Variants in TMEM151A observed in about 807,000 individuals in gnomAD.
TMEM151A encodes the protein transmembrane protein 151.
In TMEM151A, 21 loss-of-function variants were observed where a neutral mutation model predicts 33.7. That is an observed-to-expected ratio of 0.62 (90% CI 0.44 to 0.90). The LOEUF (loss-of-function observed/expected upper bound fraction) is 0.90. Ranked by LOEUF, TMEM151A falls within the 40% of genes least tolerant of loss-of-function variation. The pLI is 0.00. For missense variants in TMEM151A, 704 were observed against 697.7 expected, an observed-to-expected ratio of 1.01 and a Z score of -0.10; for synonymous variants, 374 against 330.3, an observed-to-expected ratio of 1.13 and a Z score of -1.43.
At position 66,295,068 on chromosome 11, in the gene TMEM151A, C is replaced by T. The variant is rs772573280; in HGVS notation, c.822C>T (p.Ala274=). The change falls in exon 2 of 2, where the codon GCC becomes GCT. Residue 274 remains alanine, a synonymous_variant. Transcript: ENST00000327259. ...VDFRESLMVF[A]DPRSPPWYAR... is the part of the protein sequence containing the mutation. ...TCCGCGAGTCGCTCATGGTCTTCGC[C>T]GACCCCCGCAGCCCGCCCTGGTACG... 1.0e-5 allele frequency: 16 copies of T among 1,598,248 alleles called. No individual in the cohort carries two copies. The Admixed American group carries it at 2.3e-4, about 23-fold the overall frequency.
rs1482014394 is a variant in TMEM151A at position 66,295,940 on chromosome 11, A to G, written c.*287A>G. Reference sequence around the variant, plus strand: ...AAAGGGCAGGAGAAGAAGCTTCCAGAAAGGCTGGGATGGAGGAGGAGTCCT... The same window carrying G: ...AAAGGGCAGGAGAAGAAGCTTCCAGGAAGGCTGGGATGGAGGAGGAGTCCT... On this transcript the variant is annotated 3_prime_UTR_variant, in exon 2 of 2. Coordinates refer to ENST00000327259, the MANE Select transcript of TMEM151A (RefSeq NM_153266.4). 3.1e-6 allele frequency: 1 copy of G among 325,632 alleles called. No individual in the cohort carries two copies. The highest frequency in any genetic ancestry group is 5.6e-6 in the Non-Finnish European group (1 of 179,234). 20.2% of individuals were successfully genotyped at this position (325,632 alleles called of 1,614,324 possible). A position where few individuals can be genotyped will look rare whatever the true frequency, so the allele number is the denominator to read the frequency against.
rs1226792276 is a variant in TMEM151A at position 66,295,424 on chromosome 11, G to T, written c.1178G>T (p.Arg393Leu). 6.7e-7 allele frequency: 1 copy of T among 1,483,824 alleles called. No individual in the cohort carries two copies. The highest frequency in any genetic ancestry group is 2.4e-5 in the Admixed American group (1 of 42,186). The allele number at this position is 1,483,824 out of a possible 1,614,324, so 91.9% of individuals were successfully genotyped here. A position where few individuals can be genotyped will look rare whatever the true frequency, so the allele number is the denominator to read the frequency against. The change falls in exon 2 of 2, where the codon CGG (arginine) becomes CTG (leucine). Residue 393 changes from arginine to leucine, a missense_variant. Physicochemically the swap from Arg to Leu is moderately radical, Grantham distance 102. Coordinates refer to ENST00000327259, the MANE Select transcript of TMEM151A (RefSeq NM_153266.4). ...AGCAGCAACTCGCTGCCCCCCGCCCGGCCCAGCGGGCCCCGCCTGCCCTTC... is the reference window on the plus strand; with the variant it reads ...AGCAGCAACTCGCTGCCCCCCGCCCTGCCCAGCGGGCCCCGCCTGCCCTTC... ...SVSSNSLPPA[R>L]PSGPRLPFSR...
chr11:66,295,691 A>G lies in TMEM151A; in HGVS notation c.*38A>G. On this transcript the variant is annotated 3_prime_UTR_variant, in exon 2 of 2. Coordinates refer to ENST00000327259, the MANE Select transcript of TMEM151A (RefSeq NM_153266.4). ...CCCCCAGAGTGGCCCCCTCCCCACC[A>G]TTCCACCATGGGCTTAGATGCCCGA... The G allele has an allele frequency of 1.4e-6, 2 of 1,420,328 alleles. No homozygotes were observed. The highest frequency in any genetic ancestry group is 9.2e-7 in the Non-Finnish European group (1 of 1,085,422). 88.0% of individuals were successfully genotyped at this position (1,420,328 alleles called of 1,614,324 possible). A position where few individuals can be genotyped will look rare whatever the true frequency, so the allele number is the denominator to read the frequency against.
Position 66,294,363 on chromosome 11 carries a change from C to A in TMEM151A, c.117C>A (p.Arg39=), listed in dbSNP as rs761337928. 4 of 1,610,752 alleles carry A rather than the reference C, an allele frequency of 2.5e-6. No individual in the cohort carries two copies. The South Asian group carries it at 4.4e-5, about 18-fold the overall frequency. The part of the protein sequence containing the change: ...LKQSLGSSLC[R]ESHWKCLLLT... ...AGTCCCTGGGAAGCTCCCTGTGCCGCGAGTCGCACTGGAAGTGCCTGCTCC... is the reference window on the plus strand; with the variant it reads ...AGTCCCTGGGAAGCTCCCTGTGCCGAGAGTCGCACTGGAAGTGCCTGCTCC... The change falls in exon 2 of 2, where the codon CGC becomes CGA. Residue 39 remains arginine (R), a synonymous_variant. Coordinates refer to ENST00000327259, the MANE Select transcript of TMEM151A (RefSeq NM_153266.4).
Position 66,292,108 on chromosome 11 carries a change from C to T in TMEM151A, c.75+20C>T, listed in dbSNP as rs1040515854. 2 of 1,425,302 alleles carry T rather than the reference C, an allele frequency of 1.4e-6. No homozygotes were observed. Among genetic ancestry groups the T allele is most frequent in the Non-Finnish European group, 1.8e-6 (2 of 1,098,924 alleles). 88.3% of individuals were successfully genotyped at this position (1,425,302 alleles called of 1,614,324 possible). A position where few individuals can be genotyped will look rare whatever the true frequency, so the allele number is the denominator to read the frequency against. On this transcript the variant is annotated intron_variant, in intron 1 of 1. Transcript: ENST00000327259. This position sits in a 1 kb window ranked among gnomAD's most constrained non-coding sequence, Gnocchi z 4.7. Reference sequence around the variant, plus strand: ...GAAGAGGTACCGGCGCTGGGGGGGCCGGAGCCGGGCCTGGGGCGGCGTGAG... The same window carrying T: ...GAAGAGGTACCGGCGCTGGGGGGGCTGGAGCCGGGCCTGGGGCGGCGTGAG...
intron 1 of TMEM151A, among the ~76,000 whole-genome samples, chr11:66,294,078 T>C (rs1219342091): frequency 2.6e-5 from 4 of 152,164 alleles, no homozygotes; most frequent in African/African-American, 9.7e-5. Flanking sequence ...GTTTGCCGAG[T>C]GCTAGCACGG....
Position 66,294,869 on chromosome 11 carries a change from T to G in TMEM151A, c.623T>G (p.Val208Gly). Reference sequence around the variant, plus strand: ...GTCCGCGACGTCTCCAAGGAGCTGGTGGGGCTGGCGGAGCACGCGGCCACG... The same window carrying G: ...GTCCGCGACGTCTCCAAGGAGCTGGGGGGGCTGGCGGAGCACGCGGCCACG... ...HGVRDVSKEL[V>G]GLAEHAATRL... The change falls in exon 2 of 2, where the codon GTG becomes GGG. Residue 208 changes from valine (V) to glycine (G), a missense_variant. This residue lies in a region of TMEM151A where 301 missense variants were observed against 323.4 expected (regional missense o/e 0.93). Coordinates refer to ENST00000327259, the MANE Select transcript of TMEM151A (RefSeq NM_153266.4). 1 of 1,537,338 alleles carries G rather than the reference T, an allele frequency of 6.5e-7. No individual in the cohort carries two copies. Among genetic ancestry groups the G allele is most frequent in the Non-Finnish European group, 8.7e-7 (1 of 1,145,580 alleles).
rs1392603291 is a variant in TMEM151A at position 66,292,185 on chromosome 11, CA to C, written c.75+98del. 9.1e-7 allele frequency: 1 copy of C among 1,098,268 alleles called. No individual in the cohort carries two copies. Among genetic ancestry groups the C allele is most frequent in the Non-Finnish European group, 1.2e-6 (1 of 829,280 alleles). 68.0% of individuals were successfully genotyped at this position (1,098,268 alleles called of 1,614,324 possible). ...AGAGAGGGGCTGAGGAGGGAAGTCC[CA>C]GAGCCCCTACGGCCAATGACGTCAT... On this transcript the variant is annotated intron_variant, in intron 1 of 1. Coordinates refer to ENST00000327259, the MANE Select transcript of TMEM151A (RefSeq NM_153266.4). The surrounding 1 kb of genome is among the most constrained non-coding windows in gnomAD (Gnocchi z 4.7).
chr11:66,293,180 C>T (rs1015943072), intron 1 of TMEM151A, among the ~76,000 whole-genome samples: 3 of 152,030 alleles, frequency 2.0e-5, no homozygotes, highest in African/African-American at 7.3e-5. Context: ...GTGCACCTGA[C>T]AGGCCTTGCA....
At chr11:66,293,409 G>T (rs371761974) in intron 1 of TMEM151A, among the ~76,000 whole-genome samples, 2 of 151,990 alleles carry the variant, frequency 1.3e-5, no homozygotes, top group East Asian at 3.9e-4. Flanking sequence ...TCTCTCCATG[G>T]CACCTGAGGG....
chr11:66,294,510 C>A lies in TMEM151A; in HGVS notation c.264C>A (p.Thr88=). The change falls in exon 2 of 2, where the codon ACC becomes ACA. Residue 88 remains threonine (T), a synonymous_variant. Transcript: ENST00000327259. ...GGGGAGCCGGGGGCCCGCCACCGACCTACCCGGCCAGCCCCTGCTCCGATG... is the reference window on the plus strand; with the variant it reads ...GGGGAGCCGGGGGCCCGCCACCGACATACCCGGCCAGCCCCTGCTCCGATG... The part of the protein sequence containing the change: ...LARGAGGPPP[T]YPASPCSDGY... 4 of 1,608,026 alleles carry A rather than the reference C, an allele frequency of 2.5e-6. No individual in the cohort carries two copies. Among genetic ancestry groups the A allele is most frequent in the Non-Finnish European group, 3.4e-6 (4 of 1,177,230 alleles).
In TMEM151A at chr11:66,295,462, C is replaced by A; in HGVS notation, c.1216C>A (p.Leu406Ile). The A allele has an allele frequency of 7.0e-7, 1 of 1,427,700 alleles. No individual in the cohort carries two copies. Among genetic ancestry groups the A allele is most frequent in the Admixed American group, 3.3e-5 (1 of 30,198 alleles). 88.4% of individuals were successfully genotyped at this position (1,427,700 alleles called of 1,614,324 possible). ...CCGCCTGCCCTTCAGCCGCAGCCGC[C>A]TCTCGCTGGGCGCTGGCGGCCGGGC... ...GPRLPFSRSR[L>I]SLGAGGRATP... The change falls in exon 2 of 2, where the codon CTC (leucine) becomes ATC (isoleucine). Residue 406 changes from leucine (L) to isoleucine (I), a missense_variant. Physicochemically the swap from Leu to Ile is conservative, Grantham distance 5. Around this residue, in one of 3 missense-constraint regions of TMEM151A, gnomAD observed 398 missense variants for 356.0 expected, o/e 1.12. Coordinates refer to ENST00000327259, the MANE Select transcript of TMEM151A (RefSeq NM_153266.4).
intron 1 of TMEM151A, among the ~76,000 whole-genome samples, chr11:66,293,011 C>CGT (rs147445507): frequency 6.6e-6 from 1 of 151,376 alleles, no homozygotes; most frequent in Non-Finnish European, 1.5e-5. Flanking sequence ...GTGGTGTGTG[C>CGT]GTGTGTGTGT....
At position 66,291,943 on chromosome 11, in the gene TMEM151A, T is replaced by C. The variant is rs1323963521; in HGVS notation, c.-71T>C. On this transcript the variant is annotated 5_prime_UTR_variant, in exon 1 of 2. Transcript: ENST00000327259. ...CGAGCGGACGCCCCCGGGGGCCGCG[T>C]CGCAGCCCTCCGTGCTCCCCCCTAT... 10 of 1,265,112 alleles carry C rather than the reference T, an allele frequency of 7.9e-6. No individual in the cohort carries two copies. The highest frequency in any genetic ancestry group is 3.0e-5 in the Admixed American group (1 of 33,776). 78.4% of individuals were successfully genotyped at this position (1,265,112 alleles called of 1,614,324 possible). A position where few individuals can be genotyped will look rare whatever the true frequency, so the allele number is the denominator to read the frequency against.
In TMEM151A at chr11:66,295,342, A is replaced by C. The variant is rs974327425; in HGVS notation, c.1096A>C (p.Met366Leu). The change falls in exon 2 of 2, where the codon ATG becomes CTG. Residue 366 changes from methionine (M) to leucine (L), a missense_variant. Transcript: ENST00000327259. ...LVPSYSEAVVMGAGSGAYLRG... is the reference protein window; with the variant it reads ...LVPSYSEAVVLGAGSGAYLRG... ...GCCCAGCTACTCGGAGGCCGTGGTC[A>C]TGGGCGCGGGCTCGGGCGCCTACCT... The C allele has an allele frequency of 2.5e-6, 4 of 1,585,938 alleles. No individual in the cohort carries two copies. The highest frequency in any genetic ancestry group is 3.4e-6 in the Non-Finnish European group (4 of 1,167,790).
chr11:66,291,993 CG>C lies in TMEM151A; in HGVS notation c.-20del, dbSNP rs1308836094. The stretch of plus-strand genomic sequence containing the variant: ...TCATGCCCGGTGCCCAGGCTGGGGC[CG>C]CCCAAGCAGCCAGGACACCATGCCC... On this transcript the variant is annotated 5_prime_UTR_variant, in exon 1 of 2. Coordinates refer to ENST00000327259, the MANE Select transcript of TMEM151A (RefSeq NM_153266.4). 1 of 1,499,308 alleles carries C rather than the reference CG, an allele frequency of 6.7e-7. No individual in the cohort carries two copies. The highest frequency in any genetic ancestry group is 2.1e-5 in the Admixed American group (1 of 48,048). 92.9% of individuals were successfully genotyped at this position (1,499,308 alleles called of 1,614,324 possible).
chr11:66,295,266 A>G lies in TMEM151A; in HGVS notation c.1020A>G (p.Thr340=), dbSNP rs112148750. The part of the protein sequence containing the change: ...PSGPPLSRVA[T]VDFTELEWHI... ...GGCCCCCGCTGTCCCGCGTGGCCAC[A>G]GTGGACTTCACTGAGCTCGAGTGGC... The change falls in exon 2 of 2, where the codon ACA becomes ACG. Residue 340 remains threonine (T), a synonymous_variant. Transcript: ENST00000327259. 2.0e-4 allele frequency: 306 copies of G among 1,566,112 alleles called. 11 individuals are homozygous for G. The African/African-American group carries it at 3.1e-3, about 16-fold the overall frequency.
In TMEM151A at chr11:66,292,401, C is replaced by G. The variant is rs941406541; in HGVS notation, c.75+313C>G. Among the ~76,000 whole-genome samples, 1 of 152,182 alleles carries G rather than the reference C, an allele frequency of 6.6e-6. No individual in the cohort carries two copies. Among genetic ancestry groups the G allele is most frequent in the African/African-American group, 2.4e-5 (1 of 41,448 alleles). ...AGCGCAGCGGGGGATGCTGCCCCCA[C>G]CCCCAGGGCCGCGGGGTCAGGTCCC... On this transcript the variant is annotated intron_variant, in intron 1 of 1. Coordinates refer to ENST00000327259, the MANE Select transcript of TMEM151A (RefSeq NM_153266.4). The surrounding 1 kb of genome is among the most constrained non-coding windows in gnomAD (Gnocchi z 4.7).
Position 66,295,802 on chromosome 11 carries a change from G to C in TMEM151A, c.*149G>C. 3 of 675,500 alleles carry C rather than the reference G, an allele frequency of 4.4e-6. No individual in the cohort carries two copies. Among genetic ancestry groups the C allele is most frequent in the Non-Finnish European group, 6.4e-6 (3 of 466,972 alleles). The allele number at this position is 675,500 out of a possible 1,614,324, so 41.8% of individuals were successfully genotyped here. On this transcript the variant is annotated 3_prime_UTR_variant, in exon 2 of 2. Coordinates refer to ENST00000327259, the MANE Select transcript of TMEM151A (RefSeq NM_153266.4). The stretch of plus-strand genomic sequence containing the variant: ...GGGTGGGGGTGGGGGTCCTTAAACA[G>C]ACTAAAATGCAGTTACCTGTGGTCA...
Sources: gnomAD v4.1 joint callset for allele counts (sites outside exome capture counted in the v4.1 genomes callset) on GRCh38, gnomAD v4.1.1 for gene constraint, gnomAD v4.1.1 regional missense constraint, Gnocchi (gnomAD v3.1) non-coding constraint, MANE v1.5 for transcripts, NCBI Gene and HGNC (gene_info 2026-07-23, HGNC 2026-07-21) for gene names.